Variants in PRKX observed in about 807,000 individuals in gnomAD.
The protein encoded by PRKX is cAMP-dependent protein kinase catalytic subunit PRKX.
PRKX carries 12 observed loss-of-function variants against 22.0 expected under a neutral mutation model. The ratio of observed to expected loss-of-function variants is 0.54; its 90% CI spans 0.35 to 0.88. The LOEUF is 0.88. Among genes scored for constraint, PRKX ranks in the 40% least tolerant of loss-of-function variants. The pLI, the probability that PRKX is intolerant of heterozygous loss-of-function variation, is 0.01. For missense variants in PRKX, 217 were observed against 308.0 expected (o/e 0.70, Z 2.21); for synonymous variants, 134 against 137.7 (o/e 0.97, Z 0.19).
At chrX:3,621,909 C>T (rs1268437735) in intron 5 of PRKX, among the ~76,000 whole-genome samples, 2 of 110,557 alleles carry the variant, frequency 1.8e-5, no homozygotes, top group Non-Finnish European at 3.8e-5. Context: ...GAGGCCGAGG[C>T]GGGTGGATCA....
intron 7 of PRKX, among the ~76,000 whole-genome samples, chrX:3,614,330 G>A (rs1319622533): frequency 4.5e-5 from 5 of 111,097 alleles, no homozygotes; most frequent in East Asian, 5.7e-4. Flanking sequence ...GTGAAACCCC[G>A]TCTCTAGTAA....
intron 4 of PRKX, among the ~76,000 whole-genome samples, chrX:3,640,662 C>T (rs1181600653): frequency 1.8e-5 from 2 of 111,605 alleles, no homozygotes; most frequent in Non-Finnish European, 3.8e-5. Context: ...ACGAGAGTAA[C>T]TCCATCCTGA....
chrX:3,706,116 T>A (rs66983106), intron 1 of PRKX, among the ~76,000 whole-genome samples: 1,314 of 111,026 alleles, frequency 0.012, 19 homozygotes, highest in African/African-American at 0.041. Context: ...AAGAGGAAAC[T>A]GATGGATAGA....
intron 1 of PRKX, among the ~76,000 whole-genome samples, chrX:3,678,634 G>C (rs1928011496): frequency 8.9e-6 from 1 of 112,150 alleles, no homozygotes; most frequent in Non-Finnish European, 1.9e-5. Context: ...GCCACAATCA[G>C]ACTGCAGAAG....
chrX:3,667,673 C>T (rs1251200462), intron 2 of PRKX, among the ~76,000 whole-genome samples: 1 of 111,043 alleles, frequency 9.0e-6, no homozygotes, highest in East Asian at 2.8e-4. Context: ...TGAGCCAGAG[C>T]CAGTCCTTCC....
intron 4 of PRKX, among the ~76,000 whole-genome samples, chrX:3,632,328 T>C (rs1412620732): frequency 9.0e-6 from 1 of 111,123 alleles, no homozygotes; most frequent in Non-Finnish European, 1.9e-5. Context: ...CAGACACTCA[T>C]GCGATCTGCG....
intron 1 of PRKX, among the ~76,000 whole-genome samples, chrX:3,679,096 T>C (rs908188331): frequency 8.1e-5 from 9 of 111,482 alleles, no homozygotes; most frequent in African/African-American, 1.3e-4. Flanking sequence ...AGGGGGTCCA[T>C]GTGCAGGTTC....
chrX:3,677,403 C>T (rs1187448811), intron 1 of PRKX, among the ~76,000 whole-genome samples: 1 of 104,054 alleles, frequency 9.6e-6, no homozygotes, highest in Non-Finnish European at 2.0e-5. Context: ...ATCAATAGCT[C>T]ACTGCAGCCT....
intron 8 of PRKX, chrX:3,611,097 A>G (rs1016909116): frequency 3.6e-5 from 4 of 112,122 alleles, no homozygotes; most frequent in African/African-American, 1.3e-4. Flanking sequence ...GAGACAGGTT[A>G]TCTTCTCGAG....
chrX:3,635,470 A>G (rs1193868043), intron 4 of PRKX, among the ~76,000 whole-genome samples: 1 of 112,228 alleles, frequency 8.9e-6, no homozygotes, highest in African/African-American at 3.2e-5. Context: ...CTGGGATGCC[A>G]CTTTGAGAAT....
Position 3,612,334 on chromosome X carries a change from C to T in PRKX, c.952-9G>A, listed in dbSNP as rs55657449. ...TTGGGCACGATGGGAGGCTGTGAGA[C>T]ATGGCCGAAGCACAAAGGCATGGTT... On this transcript the variant is annotated splice_polypyrimidine_tract_variant and intron_variant, in intron 7 of 8. Transcript: ENST00000262848. 2.6e-3 allele frequency: 3,128 copies of T among 1,204,527 alleles called. 4 individuals are homozygous for T. Among genetic ancestry groups the T allele is most frequent in the Non-Finnish European group, 3.1e-3 (2,801 of 893,055 alleles).
rs1372464098 is a variant in PRKX, at chrX:3,608,048, A to G, written c.*921T>C. The G allele has an allele frequency of 1.9e-5, 2 of 107,223 alleles. No homozygotes were observed. Among genetic ancestry groups the G allele is most frequent in the Admixed American group, 1.0e-4 (1 of 9,803 alleles). The allele number at this position is 107,223 out of a possible 1,213,427, so 8.8% of individuals were successfully genotyped here. ...ACTCACGTGCCACCATGCCCGGCTA[A>G]TTTTTTTGTATTTTGTAGAGATGAG... On this transcript the variant is annotated 3_prime_UTR_variant, in exon 9 of 9. Transcript: ENST00000262848.
chrX:3,709,653 A>G (rs768075010), intron 1 of PRKX, among the ~76,000 whole-genome samples: 1 of 111,718 alleles, frequency 9.0e-6, no homozygotes, highest in Admixed American at 9.5e-5. Context: ...AGTATTTTTT[A>G]TCTGATATAT....
intron 2 of PRKX, among the ~76,000 whole-genome samples, chrX:3,664,921 C>T (rs1378728734): frequency 8.9e-6 from 1 of 112,289 alleles, no homozygotes; most frequent in Non-Finnish European, 1.9e-5. Flanking sequence ...TAACATGATA[C>T]ATCCATGTAC....
rs1926142571 is a variant in PRKX, at chrX:3,605,253, C to T, written c.*3716G>A. 1 of 111,776 alleles carries T rather than the reference C, an allele frequency of 8.9e-6. No homozygotes were observed. The highest frequency in any genetic ancestry group is 1.9e-5 in the Non-Finnish European group (1 of 53,212). 9.2% of individuals were successfully genotyped at this position (111,776 alleles called of 1,213,427 possible). On this transcript the variant is annotated 3_prime_UTR_variant, in exon 9 of 9. Transcript: ENST00000262848. The stretch of plus-strand genomic sequence containing the variant: ...CATGCTAGGTAGATTGAAGGAAAAA[C>T]GAGAGGAACCCGGGCACCCCATTTC...
chrX:3,610,043 G>A (rs752133132), intron 8 of PRKX, among the ~76,000 whole-genome samples: 3 of 112,252 alleles, frequency 2.7e-5, no homozygotes, highest in South Asian at 7.5e-4. Flanking sequence ...ATCTGAACTG[G>A]TGTCTTATTT....
At chrX:3,657,985 T>C (rs934837223) in intron 2 of PRKX, among the ~76,000 whole-genome samples, 4 of 111,063 alleles carry the variant, frequency 3.6e-5, no homozygotes, top group African/African-American at 1.3e-4. Context: ...ACTAAGGGCT[T>C]TGGGATTTTT....
chrX:3,711,868 A>G (rs1482298317), intron 1 of PRKX, among the ~76,000 whole-genome samples: 1 of 109,785 alleles, frequency 9.1e-6, no homozygotes, highest in East Asian at 2.9e-4. Context: ...GGGAGAGAGA[A>G]GAGAAACAGA....
intron 1 of PRKX, among the ~76,000 whole-genome samples, chrX:3,679,112 A>G (rs2016048): frequency 0.31 from 33,872 of 110,306 alleles, 4,502 homozygotes; most frequent in East Asian, 0.62. Context: ...GGTTCATTAC[A>G]TGGGTATATT....
Sources: gnomAD v4.1 joint callset for allele counts (sites outside exome capture counted in the v4.1 genomes callset) on GRCh38, gnomAD v4.1.1 for gene constraint, MANE v1.5 for transcripts, NCBI Gene and HGNC (gene_info 2026-07-23, HGNC 2026-07-21) for gene names.